Variants in IMMP2L observed in about 807,000 individuals in gnomAD.
IMMP2L encodes the protein inner mitochondrial membrane peptidase subunit 2, also known as mitochondrial inner membrane protease subunit 2.
A neutral mutation model predicts 19.3 loss-of-function variants in IMMP2L; 18 were observed. The observed-to-expected ratio is 0.93, with a 90% CI of 0.64 to 1.38. The LOEUF (loss-of-function observed/expected upper bound fraction) is 1.38, where lower values mean the gene tolerates loss of function less well. Among genes scored for constraint, IMMP2L ranks in the 40% most tolerant of loss-of-function variants. The pLI, the probability that IMMP2L is intolerant of heterozygous loss-of-function variation, is 0.00. For missense variants in IMMP2L, 233 were observed against 218.2 expected, an observed-to-expected ratio of 1.07 and a Z score of -0.43; for synonymous variants, 76 against 73.0, an observed-to-expected ratio of 1.04 and a Z score of -0.21.
At chr7:110,891,393 T>G (rs2129546107) in intron 4 of IMMP2L, among the ~76,000 whole-genome samples, 1 of 152,340 alleles carries the variant, frequency 6.6e-6, no homozygotes, top group African/African-American at 2.4e-5. Context: ...ACTTGGGTAG[T>G]CTGACAAAGT....
chr7:111,535,312 T>A (rs1847785515), intron 1 of IMMP2L, among the ~76,000 whole-genome samples: 3 of 143,206 alleles, frequency 2.1e-5, no homozygotes, highest in Admixed American at 7.0e-5. Flanking sequence ...AAAGGAGAAA[T>A]GAAGGAAGGG....
chr7:111,158,075 T>C (rs1804841132), intron 3 of IMMP2L, among the ~76,000 whole-genome samples: 1 of 151,962 alleles, frequency 6.6e-6, no homozygotes, highest in African/African-American at 2.4e-5. Flanking sequence ...TACAGTTTCC[T>C]AGCTTGTGAG....
At chr7:111,381,712 T>C (rs1357496265) in intron 3 of IMMP2L, among the ~76,000 whole-genome samples, 2 of 151,866 alleles carry the variant, frequency 1.3e-5, no homozygotes, top group African/African-American at 4.8e-5. Flanking sequence ...AAAGAAAAGA[T>C]GCAGGACTTG....
intron 3 of IMMP2L, among the ~76,000 whole-genome samples, chr7:111,092,261 G>C (rs1796951693): frequency 6.6e-6 from 1 of 152,202 alleles, no homozygotes; most frequent in Non-Finnish European, 1.5e-5. Context: ...CCATGAACCA[G>C]AAGAGTTCTA....
chr7:110,946,784 A>G (rs1395091737), intron 4 of IMMP2L, among the ~76,000 whole-genome samples: 1 of 136,064 alleles, frequency 7.3e-6, no homozygotes, highest in South Asian at 2.2e-4. Flanking sequence ...GCAGTGGCGC[A>G]ATCTCGACTC....
chr7:110,817,949 T>A (rs542407990), intron 5 of IMMP2L, among the ~76,000 whole-genome samples: 60 of 152,196 alleles, frequency 3.9e-4, no homozygotes, highest in African/African-American at 1.4e-3. Flanking sequence ...TTACACCTTA[T>A]ACAAAAATTA....
chr7:111,359,802 A>G (rs988723025), intron 3 of IMMP2L, among the ~76,000 whole-genome samples: 1 of 152,142 alleles, frequency 6.6e-6, no homozygotes, highest in Non-Finnish European at 1.5e-5. Context: ...TCCAATAAAT[A>G]TTTATTGAAT....
intron 3 of IMMP2L, among the ~76,000 whole-genome samples, chr7:111,326,534 T>C (rs1825335291): frequency 6.6e-6 from 1 of 151,776 alleles, no homozygotes; most frequent in Admixed American, 6.6e-5. Context: ...AGATTCCTAC[T>C]TCTCATAAAC....
intron 3 of IMMP2L, among the ~76,000 whole-genome samples, chr7:111,451,635 C>T (rs1430111225): frequency 6.7e-6 from 1 of 148,354 alleles, no homozygotes; most frequent in African/African-American, 2.5e-5. Flanking sequence ...GGGGGTGCAG[C>T]GCACCAGCAT....
At chr7:111,338,577 T>G (rs1381134048) in intron 3 of IMMP2L, among the ~76,000 whole-genome samples, 1 of 152,122 alleles carries the variant, frequency 6.6e-6, no homozygotes, top group Non-Finnish European at 1.5e-5. Flanking sequence ...ACTTGGGAGT[T>G]AGTTTAGGAT....
chr7:111,460,600 G>A (rs1172315840), intron 3 of IMMP2L, among the ~76,000 whole-genome samples: 1 of 151,670 alleles, frequency 6.6e-6, no homozygotes, highest in Non-Finnish European at 1.5e-5. Flanking sequence ...AATGACAGCA[G>A]TTATTTGCAA....
intron 3 of IMMP2L, among the ~76,000 whole-genome samples, chr7:111,274,315 T>C (rs1818791861): frequency 6.6e-6 from 1 of 152,146 alleles, no homozygotes; most frequent in African/African-American, 2.4e-5. Flanking sequence ...AAATGAGTCT[T>C]AAATAAGATG....
chr7:111,377,364 T>C (rs558811918), intron 3 of IMMP2L, among the ~76,000 whole-genome samples: 61 of 152,072 alleles, frequency 4.0e-4, no homozygotes, highest in South Asian at 2.1e-4. Flanking sequence ...CTCTATAGTA[T>C]AGTATCCCTC....
chr7:111,398,939 A>G (rs1833156416), intron 3 of IMMP2L, among the ~76,000 whole-genome samples: 1 of 151,998 alleles, frequency 6.6e-6, no homozygotes, highest in East Asian at 1.9e-4. Context: ...AAAGACCTCT[A>G]CAAGGAAAAC....
At chr7:111,036,740 G>A (rs1362250237) in intron 3 of IMMP2L, among the ~76,000 whole-genome samples, 1 of 152,020 alleles carries the variant, frequency 6.6e-6, no homozygotes, top group Non-Finnish European at 1.5e-5. Flanking sequence ...ATATATTCTT[G>A]TAAAAGTGTA....
At chr7:110,973,600 T>A (rs1195317130) in intron 3 of IMMP2L, among the ~76,000 whole-genome samples, 1 of 152,110 alleles carries the variant, frequency 6.6e-6, no homozygotes, top group Non-Finnish European at 1.5e-5. Context: ...CTATAGCCAC[T>A]TTTTTTCTAG....
intron 5 of IMMP2L, among the ~76,000 whole-genome samples, chr7:110,791,807 G>C (rs1177862299): frequency 2.6e-5 from 4 of 151,758 alleles, no homozygotes; most frequent in Non-Finnish European, 5.9e-5. Flanking sequence ...CAGCAGACAG[G>C]AGCCAGAAGG....
At position 110,728,477 on chromosome 7, in the gene IMMP2L, C is replaced by T. The variant is rs1030254279; in HGVS notation, c.409-64756G>A. On this transcript the variant is annotated intron_variant, in intron 5 of 5. Coordinates refer to ENST00000405709, the MANE Select transcript of IMMP2L (RefSeq NM_032549.4). This position sits in a 1 kb window ranked among gnomAD's most constrained non-coding sequence, Gnocchi z 4.6. ...TCACATCACTGTACTCCAGCCTGGG[C>T]AACAGAGTGAGACTCCGTCTCAAAA... Among the ~76,000 whole-genome samples, 7 of 151,972 alleles carry T rather than the reference C, an allele frequency of 4.6e-5. No individual in the cohort carries two copies. Among genetic ancestry groups the T allele is most frequent in the Non-Finnish European group, 8.8e-5 (6 of 68,000 alleles).
intron 3 of IMMP2L, among the ~76,000 whole-genome samples, chr7:111,293,441 T>C (rs1380225606): frequency 3.3e-5 from 5 of 151,530 alleles, no homozygotes; most frequent in Admixed American, 6.6e-5. Flanking sequence ...TCAACGACTT[T>C]CCTGACATTT....
Sources: gnomAD v4.1 joint callset for allele counts (sites outside exome capture counted in the v4.1 genomes callset) on GRCh38, gnomAD v4.1.1 for gene constraint, Gnocchi (gnomAD v3.1) non-coding constraint, MANE v1.5 for transcripts, NCBI Gene and HGNC (gene_info 2026-07-23, HGNC 2026-07-21) for gene names.